The following ACYP1 variants were observed in gnomAD, a reference collection of about 807,000 sequenced individuals.
The protein encoded by ACYP1 is acylphosphatase 1.
In ACYP1, 8 loss-of-function variants were observed where a neutral mutation model predicts 10.4. That is an observed-to-expected ratio of 0.77 (90% CI 0.45 to 1.38). The LOEUF (loss-of-function observed/expected upper bound fraction) is 1.38, where lower values mean the gene tolerates loss of function less well. Ranked by LOEUF, ACYP1 falls within the 40% of genes most tolerant of loss-of-function variation. ACYP1 has a pLI of 0.00. For missense variants in ACYP1, 93 were observed against 117.3 expected, an observed-to-expected ratio of 0.79 and a Z score of 0.96; for synonymous variants, 38 against 40.8, an observed-to-expected ratio of 0.93 and a Z score of 0.26.
chr14:75,064,038 C>T (rs192714815), upstream of ACYP1: 28 of 988,330 alleles, frequency 2.8e-5, no homozygotes, highest in African/African-American at 4.5e-4. Flanking sequence ...CCTCCGCGCC[C>T]GGAAGTTTAG....
exon 1 of ACYP1, chr14:75,069,349 G>A: frequency 7.6e-7 from 1 of 1,309,162 alleles, no homozygotes; most frequent in Non-Finnish European, 1.0e-6. Context: ...CCAGACAAGG[G>A]CACACCCCAA....
At chr14:75,060,247 T>G (rs1892983752) in intron 2 of ACYP1, 1 of 693,302 alleles carries the variant, frequency 1.4e-6, no homozygotes, top group African/African-American at 1.8e-5. Flanking sequence ...TAAATCCTTT[T>G]AAATTCATTA....
chr14:75,063,838 G>T, intron 1 of ACYP1, 116 bp downstream of exon 1: 2 of 789,700 alleles, frequency 2.5e-6, no homozygotes, highest in Non-Finnish European at 3.3e-6. Flanking sequence ...ATCCATGCCC[G>T]GTCCCGCTCC....
At chr14:75,068,467 T>C (rs1347036960), upstream of ACYP1, among the ~76,000 whole-genome samples, 3 of 150,160 alleles carry the variant, frequency 2.0e-5, no homozygotes, top group Non-Finnish European at 1.5e-5. Context: ...TTCTTTCTCA[T>C]AGAGGAGAGG....
chr14:75,062,745 A>ATACC (rs1200016491), intron 2 of ACYP1, among the ~76,000 whole-genome samples: 1 of 152,120 alleles, frequency 6.6e-6, no homozygotes, highest in Non-Finnish European at 1.5e-5. Context: ...GCAATAGCCA[A>ATACC]TACCTACAGA....
In ACYP1 at chr14:75,063,503, CT is replaced by C; in HGVS notation, c.50del (p.Lys17ArgfsTer21). ...LISVDYEIFGKVQGVFFRKHT... is the reference protein window; with the variant it reads ...LISVDYEIFGXVQGVFFRKHT... The stretch of plus-strand genomic sequence containing the variant: ...GCTTACGGAAAAACACCCCTTGCAC[CT>C]TCCCAAAAATTTCATAATCCACTGA... On this transcript the variant is annotated frameshift_variant, in exon 2 of 3. Transcript: ENST00000238618. LOFTEE classifies it high-confidence loss of function. 6.2e-7 allele frequency: 1 copy of C among 1,613,926 alleles called. No homozygotes were observed.
At chr14:75,057,044 T>G (rs185070300) in intron 2 of ACYP1, among the ~76,000 whole-genome samples, 1 of 151,652 alleles carries the variant, frequency 6.6e-6, no homozygotes, top group East Asian at 1.9e-4. Flanking sequence ...GCATTCAGAT[T>G]GGAAAGGAAA....
intron 2 of ACYP1, chr14:75,061,543 T>C: frequency 2.3e-6 from 1 of 436,056 alleles, no homozygotes; most frequent in Non-Finnish European, 4.0e-6. Flanking sequence ...TTCTGCATTC[T>C]GTTATTCTCT....
At chr14:75,062,286 C>G (rs1294771633) in intron 2 of ACYP1, among the ~76,000 whole-genome samples, 2 of 146,094 alleles carry the variant, frequency 1.4e-5, no homozygotes, top group Admixed American at 6.8e-5. Flanking sequence ...AAAAAAAAAG[C>G]TGGGTGTGGC....
At chr14:75,064,870 A>AT (rs1315629663), upstream of ACYP1, among the ~76,000 whole-genome samples, 14 of 152,242 alleles carry the variant, frequency 9.2e-5, no homozygotes, top group Admixed American at 6.5e-5. Flanking sequence ...ATTACGGGGC[A>AT]TAAGTGCACA....
At chr14:75,067,457 TTAAA>T (rs753854449), upstream of ACYP1, among the ~76,000 whole-genome samples, 23 of 152,088 alleles carry the variant, frequency 1.5e-4, 1 homozygote, top group Non-Finnish European at 3.2e-4. Context: ...AGCTTTGTAG[TTAAA>T]TAAAGTGGAG....
chr14:75,066,780 A>G (rs1893149250), upstream of ACYP1, among the ~76,000 whole-genome samples: 1 of 152,144 alleles, frequency 6.6e-6, no homozygotes, highest in Non-Finnish European at 1.5e-5. Context: ...TGAACCTGAG[A>G]GGCAGAGGTT....
At chr14:75,068,793 A>T (rs1893213879), upstream of ACYP1, among the ~76,000 whole-genome samples, 1 of 152,120 alleles carries the variant, frequency 6.6e-6, no homozygotes, top group Non-Finnish European at 1.5e-5. Flanking sequence ...TGACATGTTG[A>T]AGTATTAACA....
chr14:75,059,407 GA>G (rs1206683364), intron 2 of ACYP1, among the ~76,000 whole-genome samples: 2 of 152,086 alleles, frequency 1.3e-5, no homozygotes, highest in Non-Finnish European at 2.9e-5. Context: ...AGATTTCTTA[GA>G]TATAACACTA....
At chr14:75,065,329 C>T (rs545033925), upstream of ACYP1, among the ~76,000 whole-genome samples, 1 of 152,268 alleles carries the variant, frequency 6.6e-6, no homozygotes, top group East Asian at 1.9e-4. Context: ...ACAGTAGGCA[C>T]GGAAATTCAT....
chr14:75,063,652 A>C (rs1000993243), intron 1 of ACYP1, 91 bp from the exon 2 acceptor site: 3 of 1,013,892 alleles, frequency 3.0e-6, no homozygotes, highest in Non-Finnish European at 4.5e-6. Flanking sequence ...ACCCCTGTCC[A>C]TCCTTAACCA....
At chr14:75,063,804 C>T (rs1893089936) in intron 1 of ACYP1, 150 bp downstream of exon 1, 2 of 719,114 alleles carry the variant, frequency 2.8e-6, no homozygotes, top group Non-Finnish European at 4.1e-6. Flanking sequence ...GGGGAAATAA[C>T]CTGAGGACCG....
chr14:75,059,990 C>G (rs371600004), intron 2 of ACYP1: 1 of 318,908 alleles, frequency 3.1e-6, no homozygotes, highest in African/African-American at 2.1e-5. Context: ...TTAATGAATA[C>G]AGAGTTTCAG....
At chr14:75,056,880 G>T in intron 2 of ACYP1, among the ~76,000 whole-genome samples, 1 of 151,582 alleles carries the variant, frequency 6.6e-6, no homozygotes, top group Non-Finnish European at 1.5e-5. Context: ...ACCTGATAAA[G>T]GGAATCTGTG....
Sources: allele counts gnomAD v4.1 joint callset (sites outside exome capture counted in the v4.1 genomes callset), GRCh38; gene constraint gnomAD v4.1.1; transcripts MANE v1.5; gene names NCBI Gene and HGNC (gene_info 2026-07-23, HGNC 2026-07-21).